TLL2: variants seen among roughly 807,000 people sequenced by gnomAD.
The protein encoded by TLL2 is tolloid like 2, also known as tolloid-like protein 2.
A neutral mutation model predicts 123.0 loss-of-function variants in TLL2; 106 were observed. The ratio of observed to expected loss-of-function variants is 0.86; its 90% CI spans 0.74 to 1.01. The LOEUF (loss-of-function observed/expected upper bound fraction) is 1.01, where lower values mean the gene tolerates loss of function less well. Ranked by LOEUF, TLL2 falls within the 50% of genes least tolerant of loss-of-function variation. The probability of loss-of-function intolerance (pLI) is 0.00; values close to 1 mark genes in which losing one functional copy is unlikely to be tolerated. For synonymous variants in TLL2, 494 were observed against 516.8 expected, an observed-to-expected ratio of 0.96 and a Z score of 0.60; for missense variants, 1,332 against 1,336.7, an observed-to-expected ratio of 1.00 and a Z score of 0.06.
chr10:96,487,680 G>C (rs1431931774), intron 1 of TLL2, among the ~76,000 whole-genome samples: 1 of 152,084 alleles, frequency 6.6e-6, no homozygotes, highest in Non-Finnish European at 1.5e-5. Flanking sequence ...TATTGGTCTC[G>C]TTCCACTTTT....
chr10:96,445,608 G>C (rs1223859559), intron 3 of TLL2, among the ~76,000 whole-genome samples: 3 of 152,092 alleles, frequency 2.0e-5, no homozygotes, highest in Admixed American at 6.5e-5. Flanking sequence ...CAGACACTCA[G>C]TTCTCAAAGC....
At chr10:96,469,754 T>TA (rs1847161199) in intron 2 of TLL2, among the ~76,000 whole-genome samples, 1 of 152,236 alleles carries the variant, frequency 6.6e-6, no homozygotes, top group Admixed American at 6.5e-5. Flanking sequence ...GAAAAAGTGG[T>TA]TACTGCTGTA....
At chr10:96,453,027 A>G (rs951040559) in intron 2 of TLL2, among the ~76,000 whole-genome samples, 14 of 152,224 alleles carry the variant, frequency 9.2e-5, no homozygotes, top group Non-Finnish European at 1.5e-4. Flanking sequence ...CCATTGCCAG[A>G]TTTTGTTTGT....
chr10:96,461,437 A>G (rs897717212), intron 2 of TLL2, among the ~76,000 whole-genome samples: 1 of 152,182 alleles, frequency 6.6e-6, no homozygotes, highest in Admixed American at 6.5e-5. Context: ...GGATGAGGGC[A>G]GCCTACAGAG....
intron 8 of TLL2, among the ~76,000 whole-genome samples, chr10:96,410,809 AG>A (rs914491118): frequency 6.6e-6 from 1 of 152,222 alleles, no homozygotes; most frequent in Non-Finnish European, 1.5e-5. Flanking sequence ...TAAGATGGGC[AG>A]GACCTACCTG....
At chr10:96,392,430 A>G (rs1846298225) in intron 13 of TLL2, among the ~76,000 whole-genome samples, 1 of 151,908 alleles carries the variant, frequency 6.6e-6, no homozygotes. Context: ...TAAAGTTCAA[A>G]TGTAACTAGG....
At chr10:96,410,800 A>C in intron 8 of TLL2, 1 of 439,748 alleles carries the variant, frequency 2.3e-6, no homozygotes, top group Non-Finnish European at 4.3e-6. Flanking sequence ...TCTTATCTGT[A>C]AGATGGGCAG....
chr10:96,427,392 G>A (rs564917752), intron 5 of TLL2, among the ~76,000 whole-genome samples: 2 of 152,196 alleles, frequency 1.3e-5, no homozygotes, highest in South Asian at 2.1e-4. Context: ...TTTGGTCAAC[G>A]TGACACTGAC....
intron 1 of TLL2, 60 bp downstream of exon 1, chr10:96,513,451 C>T: frequency 6.2e-7 from 1 of 1,603,612 alleles, no homozygotes; most frequent in Non-Finnish European, 8.5e-7. Context: ...GGCTTGCCCA[C>T]CACCTCATTT....
At chr10:96,445,701 G>A (rs1379586920) in intron 3 of TLL2, among the ~76,000 whole-genome samples, 1 of 152,202 alleles carries the variant, frequency 6.6e-6, no homozygotes, top group African/African-American at 2.4e-5. Flanking sequence ...CAAGAGAGCA[G>A]AGTTTATCTG....
At chr10:96,499,210 C>G (rs377616150) in intron 1 of TLL2, among the ~76,000 whole-genome samples, 2 of 152,210 alleles carry the variant, frequency 1.3e-5, no homozygotes, top group Non-Finnish European at 2.9e-5. Flanking sequence ...ACCACTGGCA[C>G]CAACCCTCCA....
intron 9 of TLL2, among the ~76,000 whole-genome samples, chr10:96,405,554 G>A (rs976403772): frequency 1.3e-5 from 2 of 152,134 alleles, no homozygotes; most frequent in Non-Finnish European, 2.9e-5. Context: ...TGGGTCCTTC[G>A]GTTCTGTCTG....
chr10:96,423,834 C>T (rs1846650392), intron 5 of TLL2, among the ~76,000 whole-genome samples: 1 of 152,190 alleles, frequency 6.6e-6, no homozygotes, highest in Admixed American at 6.5e-5. Context: ...GAGATATCCA[C>T]ACTCTCATGT....
chr10:96,367,959 G>T lies in TLL2; in HGVS notation c.*129C>A. The T allele has an allele frequency of 8.6e-7, 1 of 1,157,936 alleles. No homozygotes were observed. Among genetic ancestry groups the T allele is most frequent in the East Asian group, 2.5e-5 (1 of 39,548 alleles). 71.7% of individuals were successfully genotyped at this position (1,157,936 alleles called of 1,614,324 possible). On this transcript the variant is annotated 3_prime_UTR_variant, in exon 21 of 21. Coordinates refer to ENST00000357947, the MANE Select transcript of TLL2 (RefSeq NM_012465.4). ...CATTCAAATATATACCTCTAAGGCTGGATTCTGAGTTTTTGTTTGAGAAAA... is the reference window on the plus strand; with the variant it reads ...CATTCAAATATATACCTCTAAGGCTTGATTCTGAGTTTTTGTTTGAGAAAA...
At chr10:96,392,865 T>C (rs1354336833) in intron 13 of TLL2, among the ~76,000 whole-genome samples, 1 of 152,132 alleles carries the variant, frequency 6.6e-6, no homozygotes. Flanking sequence ...ATCTTGGAGA[T>C]GAGGAGATTC....
chr10:96,376,311 T>C (rs940497921), intron 18 of TLL2, among the ~76,000 whole-genome samples: 1 of 152,226 alleles, frequency 6.6e-6, no homozygotes, highest in Non-Finnish European at 1.5e-5. Flanking sequence ...CTGGGGTCTT[T>C]TGATTTCTAT....
At chr10:96,458,013 A>T (rs1241352970) in intron 2 of TLL2, among the ~76,000 whole-genome samples, 1 of 152,012 alleles carries the variant, frequency 6.6e-6, no homozygotes, top group African/African-American at 2.4e-5. Flanking sequence ...CAGCTCTGGG[A>T]CGGTGCCTGG....
At chr10:96,379,647 C>G (rs954039240) in intron 16 of TLL2, among the ~76,000 whole-genome samples, 7 of 152,060 alleles carry the variant, frequency 4.6e-5, no homozygotes, top group African/African-American at 1.7e-4. Flanking sequence ...AATGGAGAAA[C>G]CCTGCCTCTA....
chr10:96,370,469 G>C (rs965291818), intron 19 of TLL2, among the ~76,000 whole-genome samples, 154 bp from the exon 20 acceptor site: 1 of 152,254 alleles, frequency 6.6e-6, no homozygotes, highest in African/African-American at 2.4e-5. Context: ...GTACACAGAG[G>C]CCCCTGGCTC....
Sources: allele counts gnomAD v4.1 joint callset (sites outside exome capture counted in the v4.1 genomes callset), GRCh38; gene constraint gnomAD v4.1.1; transcripts MANE v1.5; gene names NCBI Gene and HGNC (gene_info 2026-07-23, HGNC 2026-07-21).